JAKMIP3: variants seen among roughly 807,000 people sequenced by gnomAD.
JAKMIP3 encodes the protein Janus kinase and microtubule interacting protein 3, also known as janus kinase and microtubule-interacting protein 3.
In JAKMIP3, 58 loss-of-function variants were observed where a neutral mutation model predicts 118.5. The observed-to-expected ratio is 0.49, with a 90% CI of 0.40 to 0.61. JAKMIP3 has a LOEUF of 0.61. JAKMIP3 is among the 20% of genes least tolerant of loss of function. JAKMIP3 has a pLI of 0.00. For missense variants in JAKMIP3, 950 were observed against 1,109.0 expected (o/e 0.86, Z 2.04); for synonymous variants, 486 against 451.2 (o/e 1.08, Z -0.98).
At chr10:132,151,683 G>A (rs995209821) in intron 16 of JAKMIP3, among the ~76,000 whole-genome samples, 3 of 152,140 alleles carry the variant, frequency 2.0e-5, no homozygotes, top group Non-Finnish European at 4.4e-5. Context: ...TGGCAGAGTT[G>A]GGGGTACCCA....
intron 1 of JAKMIP3, among the ~76,000 whole-genome samples, chr10:132,070,045 C>T (rs2039578066): frequency 1.3e-5 from 2 of 152,044 alleles, no homozygotes; most frequent in African/African-American, 4.8e-5. Context: ...GGTGCGGCTG[C>T]TGATGTACCA....
At chr10:132,130,739 G>T (rs2050407815) in intron 3 of JAKMIP3, among the ~76,000 whole-genome samples, 1 of 152,226 alleles carries the variant, frequency 6.6e-6, no homozygotes, top group South Asian at 2.1e-4. Flanking sequence ...CCTGTGTAGT[G>T]AGCATGCTTC....
chr10:132,102,905 G>T (rs2134827350), intron 1 of JAKMIP3, among the ~76,000 whole-genome samples: 1 of 151,654 alleles, frequency 6.6e-6, no homozygotes, highest in East Asian at 1.9e-4. Flanking sequence ...CCAGGCCGGA[G>T]AGGAGATGCA....
chr10:132,107,156 A>G (rs1184553035), intron 2 of JAKMIP3, among the ~76,000 whole-genome samples: 1 of 152,002 alleles, frequency 6.6e-6, no homozygotes, highest in Non-Finnish European at 1.5e-5. Flanking sequence ...CAGCCTCCCA[A>G]CATGCTGGGA....
intron 2 of JAKMIP3, among the ~76,000 whole-genome samples, chr10:132,108,089 G>A (rs751221580): frequency 3.9e-5 from 6 of 152,186 alleles, no homozygotes; most frequent in Admixed American, 6.5e-5. Context: ...ATCATGGCTC[G>A]GCGTTGCTCC....
chr10:132,167,275 G>C (rs578015993), intron 22 of JAKMIP3, among the ~76,000 whole-genome samples: 10 of 152,194 alleles, frequency 6.6e-5, no homozygotes, highest in Admixed American at 4.6e-4. Flanking sequence ...TGTAGAGGCC[G>C]CAAGGTGCTC....
intron 2 of JAKMIP3, among the ~76,000 whole-genome samples, chr10:132,105,985 CA>C (rs1254194804): frequency 2.1e-5 from 3 of 141,284 alleles, no homozygotes; most frequent in African/African-American, 8.5e-5. Context: ...CTTGTCATAT[CA>C]AAAGAAGAAG....
intron 19 of JAKMIP3, among the ~76,000 whole-genome samples, chr10:132,160,186 GT>G (rs1365587740): frequency 7.1e-3 from 201 of 28,348 alleles, no homozygotes; most frequent in Non-Finnish European, 8.5e-3. Flanking sequence ...GTGATGCTGG[GT>G]GGGCCTCTCC....
intron 3 of JAKMIP3, among the ~76,000 whole-genome samples, chr10:132,125,726 C>A (rs1163390200): frequency 6.6e-6 from 1 of 152,180 alleles, no homozygotes; most frequent in East Asian, 1.9e-4. Context: ...TTTAACGTTT[C>A]ATGCTATTAT....
At chr10:132,163,539 C>A in intron 20 of JAKMIP3, 127 bp downstream of exon 20, 1 of 799,360 alleles carries the variant, frequency 1.3e-6, no homozygotes, top group Non-Finnish European at 2.0e-6. Flanking sequence ...CCAGTGGCCA[C>A]ACCCCTCATA....
intron 9 of JAKMIP3, 36 bp downstream of exon 9, chr10:132,138,214 GC>G: frequency 6.4e-7 from 1 of 1,568,568 alleles, no homozygotes; most frequent in Non-Finnish European, 8.7e-7. Context: ...CGGAGAGTAC[GC>G]CGGGTGTGTG....
At chr10:132,149,341 G>T in intron 14 of JAKMIP3, 71 bp from the exon 15 acceptor site, 1 of 1,024,580 alleles carries the variant, frequency 9.8e-7, no homozygotes, top group Admixed American at 2.2e-5. Flanking sequence ...TGTTCCTCAG[G>T]CCCCAGCACA....
chr10:132,092,570 G>T (rs942502642), intron 1 of JAKMIP3, among the ~76,000 whole-genome samples: 21 of 152,186 alleles, frequency 1.4e-4, no homozygotes, highest in African/African-American at 5.1e-4. Context: ...GGCTACTGAA[G>T]CTTGTGCATT....
Position 132,153,640 on chromosome 10 carries a change from C to T in JAKMIP3, c.2074-119C>T. 4.1e-6 allele frequency: 4 copies of T among 971,046 alleles called. No individual in the cohort carries two copies. In the South Asian group the frequency reaches 5.3e-5, roughly 13 times the overall value. The allele number at this position is 971,046 out of a possible 1,614,324, so 60.2% of individuals were successfully genotyped here. A position where few individuals can be genotyped will look rare whatever the true frequency, so the allele number is the denominator to read the frequency against. On this transcript the variant is annotated intron_variant, in intron 17 of 23. Coordinates refer to ENST00000684848, the MANE Select transcript of JAKMIP3 (RefSeq NM_001323087.2). The stretch of plus-strand genomic sequence containing the variant: ...TCCCTGGAGAGGGCTGTGCTCTCCC[C>T]TCCCTAAGGAGAAGAGGAAGGAAGA...
rs1733711349 is a variant in JAKMIP3 at position 132,133,437 on chromosome 10, C to T, written c.759C>T (p.Val253=). 3 of 1,589,424 alleles carry T rather than the reference C, an allele frequency of 1.9e-6. No individual in the cohort carries two copies. The highest frequency in any genetic ancestry group is 1.3e-5 in the African/African-American group (1 of 74,314). ...CTCTAGATGAGCAGCTGTCCCAGGT[C>T]CGAGAGGCCGACCGGCACCCGGGCA... is the stretch of plus-strand genomic sequence containing the variant. ...KEALDEQLSQ[V]READRHPGSP... Residue 253 remains valine, a synonymous_variant, in exon 4 of 24, where the codon GTC becomes GTT. Coordinates refer to ENST00000684848, the MANE Select transcript of JAKMIP3 (RefSeq NM_001323087.2).
chr10:132,158,596 TG>T (rs1422383453), intron 19 of JAKMIP3, among the ~76,000 whole-genome samples: 2 of 151,924 alleles, frequency 1.3e-5, no homozygotes. Flanking sequence ...TGGAGGGGAC[TG>T]GGGGCATCCT....
chr10:132,173,181 CCT>C (rs1173540332), intron 23 of JAKMIP3, among the ~76,000 whole-genome samples: 1 of 15,234 alleles, frequency 6.6e-5, no homozygotes, highest in Non-Finnish European at 1.3e-4. Flanking sequence ...CCCCTCCTTC[CCT>C]CTCTCTCTCT....
chr10:132,121,622 C>A (rs927055882), intron 3 of JAKMIP3, among the ~76,000 whole-genome samples: 1 of 152,162 alleles, frequency 6.6e-6, no homozygotes, highest in Non-Finnish European at 1.5e-5. Context: ...GGCCTCCACC[C>A]CCAGGTGTGG....
At chr10:132,163,107 G>T in intron 19 of JAKMIP3, 102 bp from the exon 20 acceptor site, 1 of 1,149,756 alleles carries the variant, frequency 8.7e-7, no homozygotes. Flanking sequence ...TATCCTCTTG[G>T]CCCTGCTCCC....
Sources: gnomAD v4.1 joint callset for allele counts (sites outside exome capture counted in the v4.1 genomes callset) on GRCh38, gnomAD v4.1.1 for gene constraint, MANE v1.5 for transcripts, NCBI Gene and HGNC (gene_info 2026-07-23, HGNC 2026-07-21) for gene names.